Variants in MCPH1 observed in about 807,000 individuals in gnomAD.
MCPH1 encodes the protein microcephalin.
MCPH1 carries 104 observed loss-of-function variants against 84.5 expected under a neutral mutation model. The ratio of observed to expected loss-of-function variants is 1.23; its 90% confidence interval spans 1.05 to 1.45. The LOEUF (loss-of-function observed/expected upper bound fraction) is 1.45, where lower values mean the gene tolerates loss of function less well. Ranked by LOEUF, MCPH1 falls within the 40% of genes most tolerant of loss-of-function variation. MCPH1 has a pLI of 0.00. For synonymous variants in MCPH1, 514 were observed against 366.8 expected, an observed-to-expected ratio of 1.40 and a Z score of -4.58; for missense variants, 1,498 against 1,005.7, an observed-to-expected ratio of 1.49 and a Z score of -6.62.
intron 12 of MCPH1, among the ~76,000 whole-genome samples, chr8:6,603,040 C>T (rs1478216109): frequency 6.6e-6 from 1 of 151,916 alleles, no homozygotes; most frequent in South Asian, 2.1e-4. Flanking sequence ...CTCCTGACGT[C>T]ATTGCTTGCA....
intron 12 of MCPH1, among the ~76,000 whole-genome samples, chr8:6,533,210 A>G (rs1255376867): frequency 6.6e-6 from 1 of 152,236 alleles, no homozygotes; most frequent in Non-Finnish European, 1.5e-5. Flanking sequence ...TCCCTCAGTT[A>G]CTAAAGATGA....
intron 13 of MCPH1, among the ~76,000 whole-genome samples, chr8:6,642,479 A>C (rs897619263): frequency 6.6e-6 from 1 of 152,246 alleles, no homozygotes; most frequent in Admixed American, 6.5e-5. Flanking sequence ...AGCTATGAAG[A>C]ACAGAGTTTT....
chr8:6,449,623 A>G (rs1804843890), intron 8 of MCPH1, among the ~76,000 whole-genome samples: 1 of 151,956 alleles, frequency 6.6e-6, no homozygotes, highest in South Asian at 2.1e-4. Context: ...ACGAGAGTGA[A>G]ACTCCGTCTC....
chr8:6,640,083 TGTGTGTGTGTGTGTGC>T (rs1233301797), intron 13 of MCPH1, among the ~76,000 whole-genome samples: 14 of 144,708 alleles, frequency 9.7e-5, no homozygotes, highest in African/African-American at 3.5e-4. Context: ...TGTGTGTGTG[TGTGTGTGTGTGTGTGC>T]GCGCGCGTGT....
chr8:6,477,737 CT>C, intron 10 of MCPH1, 106 bp downstream of exon 10: 1 of 845,590 alleles, frequency 1.2e-6, no homozygotes, highest in Non-Finnish European at 2.0e-6. Context: ...TCCTGTATCA[CT>C]TTTACTTTAT....
intron 12 of MCPH1, among the ~76,000 whole-genome samples, chr8:6,539,025 G>T (rs1267235146): frequency 2.6e-5 from 2 of 76,532 alleles, no homozygotes; most frequent in Non-Finnish European, 5.9e-5. Context: ...TTTTAGAGTT[G>T]GGCTTGTGTG....
intron 12 of MCPH1, among the ~76,000 whole-genome samples, chr8:6,554,384 T>A (rs1424279153): frequency 6.6e-6 from 1 of 152,148 alleles, no homozygotes; most frequent in Non-Finnish European, 1.5e-5. Flanking sequence ...AAAAGCCAAT[T>A]ATGATTATAA....
chr8:6,406,661 G>A lies in MCPH1; in HGVS notation c.-7G>A. 5 of 1,612,114 alleles carry A rather than the reference G, an allele frequency of 3.1e-6. No homozygotes were observed. The highest frequency in any genetic ancestry group is 1.1e-5 in the South Asian group (1 of 90,876). On this transcript the variant is annotated 5_prime_UTR_variant, in exon 1 of 14. Transcript: ENST00000344683. ...GTAGGCCAGCTGGCCGGATCCCGCC[G>A]TCTGTCATGGCGGCCCCCATCCTGA...
rs755996569 is a variant in MCPH1 at position 6,444,790 on chromosome 8, A to G, written c.1068A>G (p.Arg356=). 10 of 1,613,968 alleles carry G rather than the reference A, an allele frequency of 6.2e-6. No homozygotes were observed. Among genetic ancestry groups the G allele is most frequent in the African/African-American group, 1.3e-5 (1 of 74,904 alleles). ...HSRPRSSSVK[R]KRVSHGSHSP... Reference sequence around the variant, plus strand: ...GACCCAGGAGTTCCTCAGTAAAGAGAAAAAGAGTATCACATGGCTCCCATT... The same window carrying G: ...GACCCAGGAGTTCCTCAGTAAAGAGGAAAAGAGTATCACATGGCTCCCATT... Residue 356 remains arginine (R), a synonymous_variant, in exon 8 of 14, where the codon AGA becomes AGG. Coordinates refer to ENST00000344683, the MANE Select transcript of MCPH1 (RefSeq NM_024596.5).
At chr8:6,480,441 G>A (rs1809057371) in intron 10 of MCPH1, among the ~76,000 whole-genome samples, 1 of 152,160 alleles carries the variant, frequency 6.6e-6, no homozygotes, top group Admixed American at 6.5e-5. Flanking sequence ...TCTGATGCTG[G>A]CTCTGTCCCT....
At position 6,519,533 on chromosome 8, in the gene MCPH1, A is replaced by G. The variant is rs80203113; in HGVS notation, c.2214+19604A>G. On this transcript the variant is annotated intron_variant, in intron 12 of 13. Coordinates refer to ENST00000344683, the MANE Select transcript of MCPH1 (RefSeq NM_024596.5). Reference sequence around the variant, plus strand: ...GTTCAACCTTCAGTTTTTGGAAGATACTTTCTTTAAGGAAATGAGTCTGAC... The same window carrying G: ...GTTCAACCTTCAGTTTTTGGAAGATGCTTTCTTTAAGGAAATGAGTCTGAC... Among the ~76,000 whole-genome samples, 1,477 of 152,352 alleles carry G rather than the reference A, an allele frequency of 9.7e-3. 78 individuals are homozygous for G. The highest frequency in any genetic ancestry group is 0.079 in the Admixed American group (1,216 of 15,296).
intron 8 of MCPH1, among the ~76,000 whole-genome samples, chr8:6,447,759 C>T (rs1289500164): frequency 6.6e-6 from 1 of 152,178 alleles, no homozygotes; most frequent in Non-Finnish European, 1.5e-5. Flanking sequence ...ACGTCTTGGC[C>T]AGGCTGGTCT....
At chr8:6,478,460 C>G (rs1404708068) in intron 10 of MCPH1, among the ~76,000 whole-genome samples, 2 of 151,832 alleles carry the variant, frequency 1.3e-5, no homozygotes, top group Non-Finnish European at 2.9e-5. Flanking sequence ...TGTATTTTTC[C>G]AAAATAAAAG....
Position 6,509,070 on chromosome 8 carries a change from C to T in MCPH1, c.2214+9141C>T, listed in dbSNP as rs367825488. ...AGTCCTTTAAGGTGAATCCTGTAAGCGTGCAAAGAAAAAAAACACATTGGC... is the reference window on the plus strand; with the variant it reads ...AGTCCTTTAAGGTGAATCCTGTAAGTGTGCAAAGAAAAAAAACACATTGGC... On this transcript the variant is annotated intron_variant, in intron 12 of 13. Coordinates refer to ENST00000344683, the MANE Select transcript of MCPH1 (RefSeq NM_024596.5). The T allele has an allele frequency of 1.6e-4, 263 of 1,610,360 alleles. 1 individual carries two copies. In the African/African-American group the frequency reaches 2.7e-3, roughly 17 times the overall value.
At chr8:6,514,748 C>T (rs745368410) in intron 12 of MCPH1, 9 of 1,613,880 alleles carry the variant, frequency 5.6e-6, no homozygotes, top group Middle Eastern at 1.6e-4. Context: ...ATTGTCCACC[C>T]GCCTCCTCCA....
chr8:6,574,248 C>T (rs1826884497), intron 12 of MCPH1, among the ~76,000 whole-genome samples: 1 of 152,192 alleles, frequency 6.6e-6, no homozygotes, highest in African/African-American at 2.4e-5. Context: ...ATTGAGGCAT[C>T]AGCAGGGCCA....
At chr8:6,603,811 T>A (rs1330693575) in intron 12 of MCPH1, among the ~76,000 whole-genome samples, 1 of 152,188 alleles carries the variant, frequency 6.6e-6, no homozygotes, top group Non-Finnish European at 1.5e-5. Flanking sequence ...ATCAAGTCAA[T>A]ACTCTGTATG....
chr8:6,471,258 C>G (rs900593561), intron 9 of MCPH1, among the ~76,000 whole-genome samples: 5 of 152,160 alleles, frequency 3.3e-5, no homozygotes, highest in African/African-American at 9.7e-5. Flanking sequence ...CTGGTTATTT[C>G]TGAGTAAGTG....
rs796381823 is a variant in MCPH1 at position 6,645,579 on chromosome 8, C to T, written c.*2530C>T. The T allele has an allele frequency of 2.5e-4, 25 of 99,052 alleles. No individual in the cohort carries two copies. The highest frequency in any genetic ancestry group is 1.1e-3 in the African/African-American group (24 of 22,552). The allele number at this position is 99,052 out of a possible 1,614,324, so 6.1% of individuals were successfully genotyped here. On this transcript the variant is annotated 3_prime_UTR_variant, in exon 14 of 14. Transcript: ENST00000344683. ...AGTCTTTATTCTCAAGAATACAAGA[C>T]ACTATGTATAGAAATTGTAAGGAAT...
Sources: gnomAD v4.1 joint callset for allele counts (sites outside exome capture counted in the v4.1 genomes callset) on GRCh38, gnomAD v4.1.1 for gene constraint, MANE v1.5 for transcripts, NCBI Gene and HGNC (gene_info 2026-07-23, HGNC 2026-07-21) for gene names.